EBF1: variants seen among roughly 807,000 people sequenced by gnomAD.
The protein encoded by EBF1 is transcription factor COE1.
EBF1 carries 10 observed loss-of-function variants against 68.4 expected under a neutral mutation model. That is an observed-to-expected ratio of 0.15 (90% CI 0.09 to 0.25). The LOEUF is 0.25. Among genes scored for constraint, EBF1 ranks in the 10% least tolerant of loss-of-function variants. The pLI, the probability that EBF1 is intolerant of heterozygous loss-of-function variation, is 1.00. For synonymous variants in EBF1, 298 were observed against 299.8 expected (o/e 0.99, Z 0.06); for missense variants, 509 against 794.4 (o/e 0.64, Z 4.32).
In EBF1 at chr5:158,699,088, T is replaced by C. The variant is rs780043836; in HGVS notation, c.*23A>G. 3 of 1,599,468 alleles carry C rather than the reference T, an allele frequency of 1.9e-6. No individual in the cohort carries two copies. Among genetic ancestry groups the C allele is most frequent in the African/African-American group, 1.3e-5 (1 of 74,136 alleles). On this transcript the variant is annotated 3_prime_UTR_variant, in exon 16 of 16. Transcript: ENST00000313708. ...TAGCAGAATCCAACCTCTTCATTAA[T>C]ACAATTCTTCAAGGCAATTCTTTCA...
chr5:158,924,208 G>A (rs1247634910), intron 6 of EBF1, among the ~76,000 whole-genome samples: 3 of 152,154 alleles, frequency 2.0e-5, no homozygotes, highest in East Asian at 3.9e-4. Context: ...TTACGTGGTG[G>A]GCTGTTGTTC....
At chr5:158,824,467 A>G (rs1297516865) in intron 7 of EBF1, among the ~76,000 whole-genome samples, 1 of 152,260 alleles carries the variant, frequency 6.6e-6, no homozygotes, top group African/African-American at 2.4e-5. Context: ...ATCTGCTCTC[A>G]TAATGAGGCG....
At chr5:158,873,876 T>A (rs1797324632) in intron 6 of EBF1, among the ~76,000 whole-genome samples, 1 of 152,200 alleles carries the variant, frequency 6.6e-6, no homozygotes, top group Admixed American at 6.6e-5. Context: ...CAGTGAGAAG[T>A]ACCACCACCA....
chr5:158,838,007 C>G (rs1231337681), intron 7 of EBF1, among the ~76,000 whole-genome samples: 1 of 152,190 alleles, frequency 6.6e-6, no homozygotes, highest in Non-Finnish European at 1.5e-5. Context: ...CTAAGCAACA[C>G]ACACTTAGTA....
intron 6 of EBF1, among the ~76,000 whole-genome samples, chr5:158,878,001 C>T (rs1273439822): frequency 2.0e-5 from 3 of 151,626 alleles, no homozygotes; most frequent in Non-Finnish European, 4.4e-5. Flanking sequence ...GAACCTAAAC[C>T]AACTGCAACT....
At chr5:158,872,996 A>ACT (rs1797145680) in intron 6 of EBF1, among the ~76,000 whole-genome samples, 1 of 81,104 alleles carries the variant, frequency 1.2e-5, no homozygotes, top group African/African-American at 5.0e-5. Context: ...AATGACACTA[A>ACT]TTTTTTTTTT....
chr5:159,030,685 C>T (rs974844503), intron 6 of EBF1, among the ~76,000 whole-genome samples: 2 of 152,042 alleles, frequency 1.3e-5, no homozygotes, highest in African/African-American at 2.4e-5. Flanking sequence ...AAGTCTGGGT[C>T]GCAGAAGCAT....
chr5:159,099,526 T>TAAAAAAAAAAAAAAAGAAAAAAAAA lies in EBF1; in HGVS notation c.-49_-48insTTTTTTTTTCTTTTTTTTTTTTTTT. The TAAAAAAAAAAAAAAAGAAAAAAAAA allele has an allele frequency of 9.1e-7, 1 of 1,103,436 alleles. No individual in the cohort carries two copies. The allele number at this position is 1,103,436 out of a possible 1,614,324, so 68.4% of individuals were successfully genotyped here. A position where few individuals can be genotyped will look rare whatever the true frequency, so the allele number is the denominator to read the frequency against. On this transcript the variant is annotated 5_prime_UTR_variant, in exon 1 of 16. Coordinates refer to ENST00000313708, the MANE Select transcript of EBF1 (RefSeq NM_024007.5). ...AAATCTCCTCCCCCTTGAAAAAAAT[T>TAAAAAAAAAAAAAAAGAAAAAAAAA]AAAAAAAAAAAAAAAGGAAAGAAAA... is the stretch of plus-strand genomic sequence containing the variant.
intron 6 of EBF1, 115 bp downstream of exon 6, chr5:159,073,281 C>T (rs1778155508): frequency 1.8e-6 from 2 of 1,108,452 alleles, no homozygotes; most frequent in Non-Finnish European, 2.7e-6. Context: ...TAAGTCATGA[C>T]CAACAGGCAA....
At chr5:158,980,221 T>C (rs771076726) in intron 6 of EBF1, among the ~76,000 whole-genome samples, 4 of 152,246 alleles carry the variant, frequency 2.6e-5, no homozygotes, top group African/African-American at 9.6e-5. Context: ...ACGTCTCATA[T>C]GTCAACAGAG....
chr5:159,068,198 T>G (rs560960276), intron 6 of EBF1, among the ~76,000 whole-genome samples: 1 of 152,310 alleles, frequency 6.6e-6, no homozygotes, highest in East Asian at 1.9e-4. Context: ...TATATTTATG[T>G]TCATGTTAAT....
chr5:158,910,303 TA>T lies in EBF1; in HGVS notation c.555-70194del, dbSNP rs1391054437. 2.6e-5 allele frequency among the ~76,000 whole-genome samples: 4 copies of T among 152,342 alleles called. No homozygotes were observed. In the East Asian group the frequency reaches 7.7e-4, roughly 29 times the overall value. Reference sequence around the variant, plus strand: ...AAAGATGGTACCAGAATCAAATTATTAAAATGCCCTTCTCACAAAAGCATAA... The same window carrying T: ...AAAGATGGTACCAGAATCAAATTATTAAATGCCCTTCTCACAAAAGCATAA... On this transcript the variant is annotated intron_variant, in intron 6 of 15. Coordinates refer to ENST00000313708, the MANE Select transcript of EBF1 (RefSeq NM_024007.5).
intron 15 of EBF1, among the ~76,000 whole-genome samples, chr5:158,701,259 A>G (rs1467878583): frequency 6.6e-6 from 1 of 152,184 alleles, no homozygotes; most frequent in Non-Finnish European, 1.5e-5. Context: ...CTCAGGCAGT[A>G]TCAATATGAT....
chr5:159,007,590 C>T (rs777039694), intron 6 of EBF1, among the ~76,000 whole-genome samples: 12 of 152,130 alleles, frequency 7.9e-5, no homozygotes, highest in Non-Finnish European at 1.8e-4. Context: ...GTGCTTGCCT[C>T]CAAATTAGAA....
chr5:158,994,336 C>A (rs1760985247), intron 6 of EBF1, among the ~76,000 whole-genome samples: 1 of 152,336 alleles, frequency 6.6e-6, no homozygotes, highest in Non-Finnish European at 1.5e-5. Flanking sequence ...TGTACAGTGG[C>A]TTTGCCCAAA....
chr5:158,760,049 C>T (rs1393231219), intron 10 of EBF1, among the ~76,000 whole-genome samples: 2 of 152,076 alleles, frequency 1.3e-5, no homozygotes, highest in Admixed American at 1.3e-4. Context: ...CATTTTAAGG[C>T]CTCACTGTGA....
chr5:159,000,119 A>G (rs895943865), intron 6 of EBF1, among the ~76,000 whole-genome samples: 6 of 152,202 alleles, frequency 3.9e-5, no homozygotes, highest in African/African-American at 1.4e-4. Flanking sequence ...CATGGCAATC[A>G]TGCCAAACCG....
At chr5:158,780,394 A>G (rs1330952412) in intron 9 of EBF1, among the ~76,000 whole-genome samples, 1 of 152,156 alleles carries the variant, frequency 6.6e-6, no homozygotes, top group Non-Finnish European at 1.5e-5. Context: ...AGAAGGAGGG[A>G]GGGCTAGTCT....
intron 11 of EBF1, among the ~76,000 whole-genome samples, 178 bp downstream of exon 11, chr5:158,730,891 G>C (rs1763960504): frequency 6.6e-6 from 1 of 152,204 alleles, no homozygotes; most frequent in African/African-American, 2.4e-5. Context: ...AGTAAGCACA[G>C]TGTTGCCTGG....
Sources: gnomAD v4.1 joint callset for allele counts (sites outside exome capture counted in the v4.1 genomes callset) on GRCh38, gnomAD v4.1.1 for gene constraint, MANE v1.5 for transcripts, NCBI Gene and HGNC (gene_info 2026-07-23, HGNC 2026-07-21) for gene names.